Variants in FRMD8 observed in about 807,000 individuals in gnomAD.
The protein encoded by FRMD8 is FERM domain-containing protein 8.
FRMD8 carries 37 observed loss-of-function variants against 54.2 expected under a neutral mutation model. That is an observed-to-expected ratio of 0.68 (90% CI 0.53 to 0.90). FRMD8 has a LOEUF of 0.90. Among genes scored for constraint, FRMD8 ranks in the 40% least tolerant of loss-of-function variants. The pLI is 0.00. For missense variants in FRMD8, 585 were observed against 653.7 expected, an observed-to-expected ratio of 0.89 and a Z score of 1.15; for synonymous variants, 246 against 286.9, an observed-to-expected ratio of 0.86 and a Z score of 1.44.
Position 65,396,790 on chromosome 11 carries a change from C to T in FRMD8, c.582-9C>T. ...TGGGCCGCTAGCACCTGTCTTCCTT[C>T]CTCCACAGGGAGAAGCTGGACTCCT... On this transcript the variant is annotated splice_polypyrimidine_tract_variant and intron_variant, in intron 6 of 10. Transcript: ENST00000317568. 2 of 1,502,450 alleles carry T rather than the reference C, an allele frequency of 1.3e-6. No individual in the cohort carries two copies. The highest frequency in any genetic ancestry group is 8.9e-7 in the Non-Finnish European group (1 of 1,124,370). 93.1% of individuals were successfully genotyped at this position (1,502,450 alleles called of 1,614,324 possible). A position where few individuals can be genotyped will look rare whatever the true frequency, so the allele number is the denominator to read the frequency against.
At chr11:65,408,986 A>G (rs988931881) in intron 10 of FRMD8, among the ~76,000 whole-genome samples, 2 of 152,130 alleles carry the variant, frequency 1.3e-5, no homozygotes, top group Non-Finnish European at 2.9e-5. Flanking sequence ...CCTCCCCAGC[A>G]GAGAAGATGG....
chr11:65,388,876 TCTCG>T (rs1191555367), intron 2 of FRMD8, among the ~76,000 whole-genome samples: 1 of 152,178 alleles, frequency 6.6e-6, no homozygotes, highest in East Asian at 1.9e-4. Flanking sequence ...GGTTACCAGC[TCTCG>T]CTCCTGCCAG....
the FRMD8 span, among the ~76,000 whole-genome samples, chr11:65,371,104 C>T: frequency 6.6e-6 from 1 of 152,146 alleles, no homozygotes; most frequent in East Asian, 1.9e-4. Context: ...GGGCCTGGCA[C>T]TCAGGAGCCT....
chr11:65,375,026 G>A, the FRMD8 span, among the ~76,000 whole-genome samples: 1 of 152,128 alleles, frequency 6.6e-6, no homozygotes, highest in African/African-American at 2.4e-5. Flanking sequence ...CTGGGAGTGG[G>A]CAAAGCAGAC....
chr11:65,388,189 T>C (rs1331551493), intron 2 of FRMD8, among the ~76,000 whole-genome samples: 2 of 151,214 alleles, frequency 1.3e-5, no homozygotes, highest in African/African-American at 4.9e-5. Flanking sequence ...ACAGGGATCA[T>C]ATCATGATCT....
chr11:65,405,805 A>G (rs867020705), intron 10 of FRMD8, among the ~76,000 whole-genome samples: 14 of 152,096 alleles, frequency 9.2e-5, no homozygotes, highest in Middle Eastern at 6.8e-3. Flanking sequence ...GCTCAAGACC[A>G]GCCTGGACAA....
In FRMD8 at chr11:65,404,973, C is replaced by T. The variant is rs1406187792; in HGVS notation, c.1181C>T (p.Ser394Leu). 1 of 1,613,238 alleles carries T rather than the reference C, an allele frequency of 6.2e-7. No homozygotes were observed. The highest frequency in any genetic ancestry group is 1.1e-5 in the South Asian group (1 of 91,088). The change falls in exon 10 of 11, where the codon TCA (serine) becomes TTA (leucine). Residue 394 changes from serine (S) to leucine (L), a missense_variant. Transcript: ENST00000317568. This position sits in a 1 kb window ranked among gnomAD's most constrained non-coding sequence, Gnocchi z 4.7. ...ATGSPSDPSS[S>L]LAPVQRPKLR... ...GGCTCGCCCTCGGACCCCAGCTCCTCACTGGCTCCTGTTCAGCGCCCCAAG... is the reference window on the plus strand; with the variant it reads ...GGCTCGCCCTCGGACCCCAGCTCCTTACTGGCTCCTGTTCAGCGCCCCAAG...
intron 2 of FRMD8, 136 bp downstream of exon 2, chr11:65,387,257 G>T: frequency 1.2e-6 from 1 of 825,978 alleles, no homozygotes; most frequent in Non-Finnish European, 2.0e-6. Flanking sequence ...TTCAGATGTG[G>T]AAAACTCACA....
the FRMD8 span, among the ~76,000 whole-genome samples, chr11:65,372,161 C>A: frequency 9.2e-3 from 1,402 of 152,310 alleles, 9 homozygotes; most frequent in Non-Finnish European, 0.017. Flanking sequence ...ATCTGCCCAC[C>A]TTGGCATCCC....
At chr11:65,391,476 A>G (rs1273984106) in intron 3 of FRMD8, among the ~76,000 whole-genome samples, 1 of 152,124 alleles carries the variant, frequency 6.6e-6, no homozygotes, top group African/African-American at 2.4e-5. Flanking sequence ...TACAGGAGGG[A>G]AGACCCTGGT....
At position 65,413,485 on chromosome 11, in the gene FRMD8, CT is replaced by C. The variant is rs1206005898; in HGVS notation, c.*2129del. On this transcript the variant is annotated 3_prime_UTR_variant, in exon 11 of 11. Transcript: ENST00000317568. ...TACTCATTCTTTGAATGTTCTCATT[CT>C]TTTGTATCATGTGACTTATTAAAAT... 1.3e-5 allele frequency: 2 copies of C among 152,234 alleles called. No homozygotes were observed. The highest frequency in any genetic ancestry group is 2.9e-5 in the Non-Finnish European group (2 of 68,044). The allele number at this position is 152,234 out of a possible 1,614,324, so 9.4% of individuals were successfully genotyped here.
Position 65,394,329 on chromosome 11 carries a change from C to T in FRMD8, c.485C>T (p.Pro162Leu), listed in dbSNP as rs756643091. ...AKGNVLAARYPCDVEDCEALG... is the reference protein window; with the variant it reads ...AKGNVLAARYLCDVEDCEALG... ...GGCAACGTGCTGGCTGCACGGTACCCGTGCGACGTGGAGGACTGCGAGGCT... is the reference window on the plus strand; with the variant it reads ...GGCAACGTGCTGGCTGCACGGTACCTGTGCGACGTGGAGGACTGCGAGGCT... Residue 162 changes from proline (P) to leucine (L), a missense_variant, in exon 6 of 11, where the codon CCG (proline) becomes CTG (leucine). Coordinates refer to ENST00000317568, the MANE Select transcript of FRMD8 (RefSeq NM_031904.5). 3.3e-5 allele frequency: 52 copies of T among 1,585,702 alleles called. No individual in the cohort carries two copies. Among genetic ancestry groups the T allele is most frequent in the Admixed American group, 5.4e-5 (3 of 55,688 alleles).
At chr11:65,408,161 A>G (rs1232802998) in intron 10 of FRMD8, among the ~76,000 whole-genome samples, 1 of 142,022 alleles carries the variant, frequency 7.0e-6, no homozygotes, top group Non-Finnish European at 1.5e-5. Flanking sequence ...CGCAACCTCC[A>G]CCTCCCGGGT....
At position 65,404,982 on chromosome 11, in the gene FRMD8, C is replaced by T. The variant is rs547400102; in HGVS notation, c.1190C>T (p.Pro397Leu). 1 of 1,613,322 alleles carries T rather than the reference C, an allele frequency of 6.2e-7. No individual in the cohort carries two copies. The highest frequency in any genetic ancestry group is 1.1e-5 in the South Asian group (1 of 91,092). Residue 397 changes from proline (P) to leucine (L), a missense_variant, in exon 10 of 11, where the codon CCT becomes CTT. Coordinates refer to ENST00000317568, the MANE Select transcript of FRMD8 (RefSeq NM_031904.5). This position sits in a 1 kb window ranked among gnomAD's most constrained non-coding sequence, Gnocchi z 4.7. ...TCGGACCCCAGCTCCTCACTGGCTC[C>T]TGTTCAGCGCCCCAAGCTGCGGAGG... ...SPSDPSSSLA[P>L]VQRPKLRRQG...
chr11:65,402,712 A>G (rs1856108774), intron 9 of FRMD8, among the ~76,000 whole-genome samples: 1 of 152,008 alleles, frequency 6.6e-6, no homozygotes. Context: ...CTTCCAGTCC[A>G]TTTATTTCTG....
the FRMD8 span, chr11:65,381,564 T>TC: frequency 7.2e-6 from 1 of 139,078 alleles, no homozygotes; most frequent in Non-Finnish European, 1.5e-5. Context: ...CTGATTCTTT[T>TC]TTTTTTTTTT....
At chr11:65,391,571 T>C (rs1855846444) in intron 3 of FRMD8, among the ~76,000 whole-genome samples, 1 of 152,174 alleles carries the variant, frequency 6.6e-6, no homozygotes, top group African/African-American at 2.4e-5. Flanking sequence ...AGTGCAGTGG[T>C]GCAATCCCAG....
At chr11:65,380,246 G>A in the FRMD8 span, 2 of 1,609,908 alleles carry the variant, frequency 1.2e-6, no homozygotes, top group Non-Finnish European at 8.5e-7. Context: ...TGTGCCAAGA[G>A]GAAAGAGGGG....
intron 10 of FRMD8, among the ~76,000 whole-genome samples, chr11:65,405,684 G>A (rs1289811438): frequency 6.6e-6 from 1 of 152,024 alleles, no homozygotes; most frequent in African/African-American, 2.4e-5. Flanking sequence ...ACATCTTGGG[G>A]TGTTGAGTGC....
Sources: gnomAD v4.1 joint callset for allele counts (sites outside exome capture counted in the v4.1 genomes callset) on GRCh38, gnomAD v4.1.1 for gene constraint, Gnocchi (gnomAD v3.1) non-coding constraint, MANE v1.5 for transcripts, NCBI Gene and HGNC (gene_info 2026-07-23, HGNC 2026-07-21) for gene names.